IQSEC1: variants seen among roughly 807,000 people sequenced by gnomAD.
IQSEC1 encodes IQ motif and Sec7 domain ArfGEF 1, also known as IQ motif and SEC7 domain-containing protein 1.
Under a neutral mutation model 91.0 loss-of-function variants are expected in IQSEC1, and 31 were observed. That is an observed-to-expected ratio of 0.34 (90% CI 0.26 to 0.46). The LOEUF is 0.46. Ranked by LOEUF, IQSEC1 falls within the 20% of genes least tolerant of loss-of-function variation. The probability of loss-of-function intolerance (pLI) is 1.00; values close to 1 mark genes in which losing one functional copy is unlikely to be tolerated. For synonymous variants in IQSEC1, 699 were observed against 662.6 expected (o/e 1.05, Z -0.84); for missense variants, 1,388 against 1,575.6 (o/e 0.88, Z 2.02).
Position 12,922,144 on chromosome 3 carries a change from ACTTT to A in IQSEC1, c.1825_1828del (p.Lys609TrpfsTer5). 1 of 1,609,366 alleles carries A rather than the reference ACTTT, an allele frequency of 6.2e-7. No homozygotes were observed. The highest frequency in any genetic ancestry group is 8.5e-7 in the Non-Finnish European group (1 of 1,176,792). On this transcript the variant is annotated frameshift_variant, in exon 5 of 14. Coordinates refer to ENST00000613206, the MANE Select transcript of IQSEC1 (RefSeq NM_001134382.3). LOFTEE classifies it high-confidence loss of function. This position sits in a 1 kb window ranked among gnomAD's most constrained non-coding sequence, Gnocchi z 5.1. Reference sequence around the variant, plus strand: ...CCTGAACGCCTCTATGAGCCGCTCCACTTTCTGAGCCTCCCCTTGGACACGGATG... The same window carrying A: ...CCTGAACGCCTCTATGAGCCGCTCCACTGAGCCTCCCCTTGGACACGGATG...
At chr3:13,260,631 G>C (rs1485926793) in intron 1 of IQSEC1, among the ~76,000 whole-genome samples, 1 of 152,192 alleles carries the variant, frequency 6.6e-6, no homozygotes, top group Non-Finnish European at 1.5e-5. Context: ...CTACCATCAA[G>C]GCCTGACCCG....
intron 1 of IQSEC1, among the ~76,000 whole-genome samples, chr3:13,039,466 T>C (rs1307283474): frequency 4.6e-5 from 7 of 152,224 alleles, no homozygotes; most frequent in Non-Finnish European, 1.0e-4. Context: ...GGATCGCCGT[T>C]TTAAACAACG....
Position 12,901,185 on chromosome 3 carries a change from GGGTGGTGGTGGT to G in IQSEC1, c.3131_3142del (p.His1044_His1047del), listed in dbSNP as rs753048535. On this transcript the variant is annotated inframe_deletion, in exon 14 of 14. Coordinates refer to ENST00000613206, the MANE Select transcript of IQSEC1 (RefSeq NM_001134382.3). ...GTGTGCGTGCTGGATGTGCTGGGGT[GGGTGGTGGTGGT>G]GGTGATGGTGGTACGGGGGAGGGTT... 2.3e-5 allele frequency: 35 copies of G among 1,540,882 alleles called. No individual in the cohort carries two copies. Among genetic ancestry groups the G allele is most frequent in the Non-Finnish European group, 2.7e-5 (31 of 1,140,764 alleles).
At chr3:13,102,949 A>G (rs1423374483) in intron 2 of IQSEC1, among the ~76,000 whole-genome samples, 1 of 152,144 alleles carries the variant, frequency 6.6e-6, no homozygotes, top group Non-Finnish European at 1.5e-5. Context: ...GCTGAAGACA[A>G]TTGGCACCTT....
At chr3:12,901,581 TGA>T in intron 13 of IQSEC1, 59 bp from the exon 14 acceptor site, 1 of 1,404,772 alleles carries the variant, frequency 7.1e-7, no homozygotes, top group South Asian at 1.3e-5. Flanking sequence ...TAGGTCAGAA[TGA>T]TTTTTTTTTT....
intron 2 of IQSEC1, among the ~76,000 whole-genome samples, chr3:13,142,719 A>G (rs555319579): frequency 1.4e-3 from 206 of 152,392 alleles, no homozygotes; most frequent in Non-Finnish European, 2.6e-3. Flanking sequence ...AGTTCTGTGT[A>G]ACTCCAGTGT....
intron 1 of IQSEC1, among the ~76,000 whole-genome samples, chr3:12,974,678 A>C (rs1701073658): frequency 6.6e-6 from 1 of 152,192 alleles, no homozygotes; most frequent in African/African-American, 2.4e-5. Flanking sequence ...ACCGTTCCCT[A>C]AACTCCCCCC....
intron 1 of IQSEC1, among the ~76,000 whole-genome samples, chr3:13,049,333 G>T (rs892187499): frequency 1.4e-4 from 21 of 152,214 alleles, no homozygotes; most frequent in African/African-American, 4.6e-4. Flanking sequence ...GCCCAGGGCT[G>T]CCCTGCCACA....
intron 1 of IQSEC1, among the ~76,000 whole-genome samples, chr3:13,071,693 G>GCGAACCAGAGGCCACCGTCATCCCT (rs1448919374): frequency 6.6e-6 from 1 of 152,198 alleles, no homozygotes; most frequent in Non-Finnish European, 1.5e-5. Context: ...GAGCATCACA[G>GCGAACCAGAGGCCACCGTCATCCCT]CGAACCAGAG....
At chr3:13,019,626 G>T (rs1703309852) in intron 1 of IQSEC1, among the ~76,000 whole-genome samples, 1 of 152,186 alleles carries the variant, frequency 6.6e-6, no homozygotes, top group African/African-American at 2.4e-5. Flanking sequence ...TGGGGTAGGG[G>T]TCGGGAGGGC....
intron 1 of IQSEC1, among the ~76,000 whole-genome samples, chr3:12,975,264 T>C (rs1701109143): frequency 6.6e-6 from 1 of 152,204 alleles, no homozygotes; most frequent in African/African-American, 2.4e-5. Context: ...TTTCCAGCCA[T>C]TGGCTGCGTC....
At chr3:12,955,185 G>A (rs2125444332) in intron 1 of IQSEC1, among the ~76,000 whole-genome samples, 1 of 152,350 alleles carries the variant, frequency 6.6e-6, no homozygotes, top group East Asian at 1.9e-4. Flanking sequence ...TCACTGTGCT[G>A]AAAACACTGT....
At chr3:13,150,310 A>G (rs1441909419) in intron 2 of IQSEC1, among the ~76,000 whole-genome samples, 3 of 152,232 alleles carry the variant, frequency 2.0e-5, no homozygotes, top group African/African-American at 4.8e-5. Context: ...GTCTCCTCAC[A>G]GTGAGCGTTC....
At chr3:13,088,511 C>T (rs1308098708) in intron 2 of IQSEC1, among the ~76,000 whole-genome samples, 2 of 151,964 alleles carry the variant, frequency 1.3e-5, no homozygotes, top group East Asian at 1.9e-4. Flanking sequence ...TGGTTCCTGT[C>T]GCCCTCCCCG....
Position 12,979,817 on chromosome 3 carries a change from T to C in IQSEC1, c.24-37952A>G, listed in dbSNP as rs1559694977. On this transcript the variant is annotated intron_variant, in intron 1 of 13. Coordinates refer to ENST00000613206, the MANE Select transcript of IQSEC1 (RefSeq NM_001134382.3). This position sits in a 1 kb window ranked among gnomAD's most constrained non-coding sequence, Gnocchi z 4.3. ...TGTCACCAAGAGCTGAGCCTGTGCCTCACCCGGAATCGTTTCGCGGCCTGG... is the reference window on the plus strand; with the variant it reads ...TGTCACCAAGAGCTGAGCCTGTGCCCCACCCGGAATCGTTTCGCGGCCTGG... Among the ~76,000 whole-genome samples the C allele has an allele frequency of 6.6e-6, 1 of 152,136 alleles. No homozygotes were observed. Among genetic ancestry groups the C allele is most frequent in the Non-Finnish European group, 1.5e-5 (1 of 68,030 alleles).
chr3:13,073,462 A>AC (rs1192542015), upstream of IQSEC1, among the ~76,000 whole-genome samples: 243 of 151,582 alleles, frequency 1.6e-3, 3 homozygotes, highest in Non-Finnish European at 2.3e-3. Context: ...AGCCTCCCCC[A>AC]CCCCCCGCGC....
chr3:13,232,968 G>A (rs1017339663), intron 1 of IQSEC1, among the ~76,000 whole-genome samples: 11 of 152,190 alleles, frequency 7.2e-5, no homozygotes, highest in Non-Finnish European at 1.5e-4. Context: ...GGTGCCCGGG[G>A]CTGGGGGAGG....
chr3:13,095,641 G>T (rs1212119870), intron 2 of IQSEC1, among the ~76,000 whole-genome samples: 1 of 152,006 alleles, frequency 6.6e-6, no homozygotes, highest in Non-Finnish European at 1.5e-5. Context: ...GGACGCTGAG[G>T]ACGCAATCAC....
intron 2 of IQSEC1, among the ~76,000 whole-genome samples, chr3:13,098,727 T>G (rs1335187832): frequency 6.6e-6 from 1 of 152,198 alleles, no homozygotes; most frequent in East Asian, 1.9e-4. Context: ...TCCATTTGTA[T>G]GGAGAGTCCA....
Sources: gnomAD v4.1 joint callset for allele counts (sites outside exome capture counted in the v4.1 genomes callset) on GRCh38, gnomAD v4.1.1 for gene constraint, Gnocchi (gnomAD v3.1) non-coding constraint, MANE v1.5 for transcripts, NCBI Gene and HGNC (gene_info 2026-07-23, HGNC 2026-07-21) for gene names.